The following SMG7 variants were observed in gnomAD, a reference collection of about 807,000 sequenced individuals.
The protein encoded by SMG7 is SMG7 nonsense mediated mRNA decay factor.
SMG7 carries 34 observed loss-of-function variants against 148.2 expected under a neutral mutation model. The observed-to-expected ratio is 0.23, with a 90% CI of 0.17 to 0.31. SMG7 has a LOEUF of 0.31. SMG7 is among the 10% of genes least tolerant of loss of function. The probability of loss-of-function intolerance (pLI) is 1.00; values close to 1 mark genes in which losing one functional copy is unlikely to be tolerated. For synonymous variants in SMG7, 492 were observed against 515.1 expected, an observed-to-expected ratio of 0.96 and a Z score of 0.61; for missense variants, 1,114 against 1,408.4, an observed-to-expected ratio of 0.79 and a Z score of 3.35.
At chr1:183,536,751 GAACT>G (rs1374519202) in intron 10 of SMG7, among the ~76,000 whole-genome samples, 1 of 152,116 alleles carries the variant, frequency 6.6e-6, no homozygotes, top group Non-Finnish European at 1.5e-5. Context: ...ACAGATTAAA[GAACT>G]AACAGCGGCT....
In SMG7 at chr1:183,553,364, T is replaced by C; in HGVS notation, c.*1433T>C. Reference sequence around the variant, plus strand: ...CAATTGCTGTGCTAGTGGTAGGGTTTATTTTCTGGGAGGTCTCTCCTTTGT... The same window carrying C: ...CAATTGCTGTGCTAGTGGTAGGGTTCATTTTCTGGGAGGTCTCTCCTTTGT... On this transcript the variant is annotated 3_prime_UTR_variant, in exon 23 of 23. Coordinates refer to ENST00000688051, the MANE Select transcript of SMG7 (RefSeq NM_001375584.1). 1.3e-6 allele frequency: 1 copy of C among 783,186 alleles called. No individual in the cohort carries two copies. Among genetic ancestry groups the C allele is most frequent in the Non-Finnish European group, 2.0e-6 (1 of 507,360 alleles). 48.5% of individuals were successfully genotyped at this position (783,186 alleles called of 1,614,324 possible). A position where few individuals can be genotyped will look rare whatever the true frequency, so the allele number is the denominator to read the frequency against.
intron 1 of SMG7, among the ~76,000 whole-genome samples, chr1:183,510,285 A>G (rs1352105287): frequency 6.6e-6 from 1 of 152,178 alleles, no homozygotes; most frequent in African/African-American, 2.4e-5. Flanking sequence ...GTACTCTCCA[A>G]TAGGATTTTT....
At chr1:183,545,929 T>A (rs778883850) in intron 16 of SMG7, 37 bp from the exon 17 acceptor site, 1 of 1,538,546 alleles carries the variant, frequency 6.5e-7, no homozygotes, top group South Asian at 1.3e-5. Context: ...AATATTGCAT[T>A]TTATCCTCAC....
At chr1:183,493,874 C>T (rs1657698917) in intron 1 of SMG7, among the ~76,000 whole-genome samples, 1 of 152,134 alleles carries the variant, frequency 6.6e-6, no homozygotes. Flanking sequence ...GTCATAGCAC[C>T]CGGCCACTTT....
intron 1 of SMG7, among the ~76,000 whole-genome samples, chr1:183,477,483 C>CATATAT (rs1429099311): frequency 1.4e-5 from 2 of 142,198 alleles, no homozygotes; most frequent in Non-Finnish European, 3.1e-5. Context: ...TGCATATATA[C>CATATAT]ACGTGTGTGC....
intron 4 of SMG7, among the ~76,000 whole-genome samples, chr1:183,524,131 T>C (rs1665345876): frequency 6.6e-6 from 1 of 152,068 alleles, no homozygotes; most frequent in African/African-American, 2.4e-5. Context: ...TCACCCAGGC[T>C]GGAGTGCAGT....
At position 183,550,922 on chromosome 1, in the gene SMG7, G is replaced by A. The variant is rs1670922235; in HGVS notation, c.3304+1G>A. On this transcript the variant is annotated splice_donor_variant, in intron 21 of 22. Transcript: ENST00000688051. LOFTEE classifies it high-confidence loss of function. Reference sequence around the variant, plus strand: ...GATCGGTGGAAAACTGATAAGCCAGGTGAGATCTACATTTCATTGCCAGGC... The same window carrying A: ...GATCGGTGGAAAACTGATAAGCCAGATGAGATCTACATTTCATTGCCAGGC... 6.2e-7 allele frequency: 1 copy of A among 1,612,398 alleles called. No individual in the cohort carries two copies. The highest frequency in any genetic ancestry group is 1.3e-5 in the African/African-American group (1 of 74,214).
chr1:183,512,927 A>T, intron 2 of SMG7, 59 bp downstream of exon 2: 1 of 1,462,290 alleles, frequency 6.8e-7, no homozygotes, highest in Non-Finnish European at 9.3e-7. Flanking sequence ...TAATGGAAGG[A>T]TATCCTCTTT....
intron 1 of SMG7, chr1:183,502,138 A>G (rs979349269): frequency 4.6e-6 from 3 of 647,060 alleles, no homozygotes; most frequent in Non-Finnish European, 6.8e-6. Context: ...AGGCTTTGAC[A>G]TTTTTCCTTT....
chr1:183,512,808 C>CTTTTTT lies in SMG7; in HGVS notation c.30-14_30-9dup, dbSNP rs59379855. 6.4e-4 allele frequency: 823 copies of CTTTTTT among 1,279,164 alleles called. 7 individuals are homozygous for CTTTTTT. Among genetic ancestry groups the CTTTTTT allele is most frequent in the South Asian group, 2.7e-3 (168 of 61,254 alleles). The allele number at this position is 1,279,164 out of a possible 1,614,324, so 79.2% of individuals were successfully genotyped here. A position where few individuals can be genotyped will look rare whatever the true frequency, so the allele number is the denominator to read the frequency against. The stretch of plus-strand genomic sequence containing the variant: ...GCCTCGTTTGTTTCTAACTGATACT[C>CTTTTTT]TTTTTTTTTTTTTTTTTTTTCTATC... On this transcript the variant is annotated intron_variant, in intron 1 of 22. Coordinates refer to ENST00000688051, the MANE Select transcript of SMG7 (RefSeq NM_001375584.1).
chr1:183,542,606 T>A, intron 14 of SMG7, 104 bp downstream of exon 14: 1 of 865,060 alleles, frequency 1.2e-6, no homozygotes, highest in South Asian at 1.8e-5. Flanking sequence ...CCTGGAAGTT[T>A]AAATGCATTA....
At chr1:183,538,349 A>C (rs771847831) in intron 11 of SMG7, 31 bp from the exon 12 acceptor site, 1 of 1,542,744 alleles carries the variant, frequency 6.5e-7, no homozygotes, top group South Asian at 1.1e-5. Context: ...TTTAATTAAA[A>C]TGTTTGCAAA....
In SMG7 at chr1:183,533,812, A is replaced by G. The variant is rs979410688; in HGVS notation, c.1143A>G (p.Ala381=). The change falls in exon 10 of 23, where the codon GCA becomes GCG. Residue 381 remains alanine (A), a synonymous_variant. Coordinates refer to ENST00000688051, the MANE Select transcript of SMG7 (RefSeq NM_001375584.1). ...TCAGACCCAGGGTCTTTCAGGAGGC[A>G]GTGGTGGATGAAAGACAGTAGTAAG... ...LRLRPRVFQE[A]VVDERQYIWP... is the part of the protein sequence containing the mutation. 2 of 1,611,076 alleles carry G rather than the reference A, an allele frequency of 1.2e-6. No homozygotes were observed.
chr1:183,499,458 A>G (rs1304365659), intron 1 of SMG7, among the ~76,000 whole-genome samples: 1 of 152,132 alleles, frequency 6.6e-6, no homozygotes, highest in Non-Finnish European at 1.5e-5. Context: ...GTAGTCGTAG[A>G]TCATTATTGT....
At chr1:183,513,214 T>A (rs952983776) in intron 2 of SMG7, 5 of 192,886 alleles carry the variant, frequency 2.6e-5, no homozygotes, top group African/African-American at 1.2e-4. Flanking sequence ...AGTGTTAGGC[T>A]AATATCTTTC....
chr1:183,487,363 A>C (rs1488697114), intron 1 of SMG7, among the ~76,000 whole-genome samples: 4 of 152,200 alleles, frequency 2.6e-5, no homozygotes, highest in Non-Finnish European at 4.4e-5. Context: ...TCACTTAGAA[A>C]GATCCTTGTA....
chr1:183,528,379 T>G (rs551311957), intron 6 of SMG7, among the ~76,000 whole-genome samples: 2 of 152,222 alleles, frequency 1.3e-5, no homozygotes, highest in Non-Finnish European at 2.9e-5. Flanking sequence ...AGAAAAACAA[T>G]CTATTACCTA....
rs1671436995 is a variant in SMG7, at chr1:183,553,707, C to T, written c.*1776C>T. Reference sequence around the variant, plus strand: ...GGTCTGAAAAGGTGAAGCCCCCTACCCAATGGCAATATGAAACCTTTTGTG... The same window carrying T: ...GGTCTGAAAAGGTGAAGCCCCCTACTCAATGGCAATATGAAACCTTTTGTG... On this transcript the variant is annotated 3_prime_UTR_variant, in exon 23 of 23. Coordinates refer to ENST00000688051, the MANE Select transcript of SMG7 (RefSeq NM_001375584.1). 1 of 153,572 alleles carries T rather than the reference C, an allele frequency of 6.5e-6. No individual in the cohort carries two copies. Among genetic ancestry groups the T allele is most frequent in the African/African-American group, 2.4e-5 (1 of 41,290 alleles). 9.5% of individuals were successfully genotyped at this position (153,572 alleles called of 1,614,324 possible).
At position 183,547,160 on chromosome 1, in the gene SMG7, G is replaced by C; in HGVS notation, c.2800G>C (p.Glu934Gln). The change falls in exon 18 of 23, where the codon GAG becomes CAG. Residue 934 changes from glutamate (E) to glutamine (Q), a missense_variant. This residue lies in a region of SMG7 where 788 missense variants were observed against 894.5 expected (regional missense o/e 0.88). Coordinates refer to ENST00000688051, the MANE Select transcript of SMG7 (RefSeq NM_001375584.1). The part of the protein sequence containing the change: ...PDLLKSLAAL[E>Q]EEEELIFSNP... ...CCTGTTAAAGAGTCTGGCTGCCTTG[G>C]AGGAAGAGGAAGAGCTGATTTTTTC... is the stretch of plus-strand genomic sequence containing the variant. 6.4e-7 allele frequency: 1 copy of C among 1,550,398 alleles called. No individual in the cohort carries two copies. Among genetic ancestry groups the C allele is most frequent in the Non-Finnish European group, 8.7e-7 (1 of 1,146,870 alleles).
Sources: allele counts gnomAD v4.1 joint callset (sites outside exome capture counted in the v4.1 genomes callset), GRCh38; gene constraint gnomAD v4.1.1; regional missense constraint gnomAD v4.1.1; transcripts MANE v1.5; gene names NCBI Gene and HGNC (gene_info 2026-07-23, HGNC 2026-07-21).